The following FAAH2 variants were observed in gnomAD, a reference collection of about 807,000 sequenced individuals.
FAAH2 encodes the protein fatty acid amide hydrolase 2, also known as fatty-acid amide hydrolase 2.
A neutral mutation model predicts 36.9 loss-of-function variants in FAAH2; 60 were observed. That is an observed-to-expected ratio of 1.63 (90% CI 1.32 to 2.02). The LOEUF is 2.02. Ranked by LOEUF, FAAH2 falls within the 30% of genes most tolerant of loss-of-function variation. FAAH2 has a pLI of 0.00. For synonymous variants in FAAH2, 214 were observed against 143.8 expected, an observed-to-expected ratio of 1.49 and a Z score of -3.49; for missense variants, 689 against 397.5, an observed-to-expected ratio of 1.73 and a Z score of -6.23.
intron 4 of FAAH2, among the ~76,000 whole-genome samples, chrX:57,340,981 C>A (rs768119439): frequency 9.0e-6 from 1 of 111,462 alleles, no homozygotes; most frequent in Non-Finnish European, 1.9e-5. Context: ...AATAAGAACT[C>A]TTTTCTATAT....
the FAAH2 span, among the ~76,000 whole-genome samples, chrX:57,254,338 C>A: frequency 9.0e-6 from 1 of 111,537 alleles, no homozygotes; most frequent in African/African-American, 3.3e-5. Flanking sequence ...GACTTTAACA[C>A]CCCACTGTCA....
chrX:57,304,742 C>T (rs996759607), intron 2 of FAAH2, among the ~76,000 whole-genome samples: 4 of 111,840 alleles, frequency 3.6e-5, no homozygotes, highest in Non-Finnish European at 7.5e-5. Flanking sequence ...ATGTCTGCAA[C>T]TCTTGACAAT....
At chrX:57,332,439 A>G (rs1413113045) in intron 4 of FAAH2, among the ~76,000 whole-genome samples, 1 of 112,204 alleles carries the variant, frequency 8.9e-6, no homozygotes, top group Non-Finnish European at 1.9e-5. Flanking sequence ...AGTTAATGAC[A>G]ATTCTTAAAT....
At chrX:57,232,192 G>C in the FAAH2 span, among the ~76,000 whole-genome samples, 4 of 112,048 alleles carry the variant, frequency 3.6e-5, no homozygotes, top group African/African-American at 1.3e-4. Context: ...TCACAGAATT[G>C]AAAGGGCATG....
At chrX:57,377,609 G>T (rs188684469) in intron 5 of FAAH2, among the ~76,000 whole-genome samples, 10 of 111,832 alleles carry the variant, frequency 8.9e-5, no homozygotes, top group Non-Finnish European at 1.9e-4. Flanking sequence ...TTTTTGCTTT[G>T]GATTGTCTTG....
At chrX:57,477,005 C>T (rs1175563425) in intron 10 of FAAH2, among the ~76,000 whole-genome samples, 2 of 111,051 alleles carry the variant, frequency 1.8e-5, no homozygotes, top group African/African-American at 6.5e-5. Flanking sequence ...TTACAGTATT[C>T]TCTGATGGTA....
chrX:57,261,552 CAAAAAAAAAA>C, the FAAH2 span, among the ~76,000 whole-genome samples: 2 of 23,386 alleles, frequency 8.6e-5, no homozygotes, highest in Non-Finnish European at 1.4e-4. Flanking sequence ...GACTCTGTCT[CAAAAAAAAAA>C]AAAAAAAAAA....
intron 5 of FAAH2, among the ~76,000 whole-genome samples, chrX:57,350,007 G>T (rs1047754662): frequency 7.2e-5 from 8 of 110,393 alleles, no homozygotes; most frequent in African/African-American, 2.6e-4. Flanking sequence ...AACAGCAAGA[G>T]AAAGTCATCT....
At chrX:57,280,517 A>G in the FAAH2 span, among the ~76,000 whole-genome samples, 4 of 92,521 alleles carry the variant, frequency 4.3e-5, no homozygotes, top group Non-Finnish European at 6.0e-5. Flanking sequence ...CTTTACACCT[A>G]TTAGAATGGC....
intron 8 of FAAH2, among the ~76,000 whole-genome samples, chrX:57,442,626 T>C (rs1388979070): frequency 5.4e-5 from 6 of 112,121 alleles, no homozygotes; most frequent in Non-Finnish European, 1.1e-4. Flanking sequence ...GTTAGTATTG[T>C]TATGTGTCAA....
intron 10 of FAAH2, among the ~76,000 whole-genome samples, chrX:57,464,597 A>G (rs2057018101): frequency 9.1e-6 from 1 of 109,506 alleles, no homozygotes; most frequent in Admixed American, 9.9e-5. Context: ...TAAATTACCA[A>G]TAGAATCAAC....
chrX:57,166,049 G>C, the FAAH2 span, among the ~76,000 whole-genome samples: 108 of 110,900 alleles, frequency 9.7e-4, 1 homozygote, highest in African/African-American at 3.4e-3. Context: ...CAGAGTAATG[G>C]AAGAGCACAC....
intron 1 of FAAH2, among the ~76,000 whole-genome samples, chrX:57,288,874 A>G (rs924048809): frequency 9.0e-6 from 1 of 111,187 alleles, no homozygotes; most frequent in African/African-American, 3.3e-5. Context: ...ATGCTTGCCC[A>G]TGAGATGAGA....
At chrX:57,388,363 G>T (rs986899275) in intron 7 of FAAH2, among the ~76,000 whole-genome samples, 4 of 110,947 alleles carry the variant, frequency 3.6e-5, no homozygotes, top group Admixed American at 2.9e-4. Flanking sequence ...CTTTGTGGGG[G>T]ATATTTTATA....
In FAAH2 at chrX:57,398,546, C is replaced by CT. The variant is rs1344863379; in HGVS notation, c.996+17530dup. ...TTTCTTGAAGATGTTGTTCATTTAACTTTTTTTTTTTTTGCAGTTGCAAGA... is the reference window on the plus strand; with the variant it reads ...TTTCTTGAAGATGTTGTTCATTTAACTTTTTTTTTTTTTTGCAGTTGCAAGA... On this transcript the variant is annotated intron_variant, in intron 7 of 10. Transcript: ENST00000374900. Among the ~76,000 whole-genome samples the CT allele has an allele frequency of 7.5e-3, 776 of 103,838 alleles. 5 individuals carry two copies. The highest frequency in any genetic ancestry group is 0.025 in the Middle Eastern group (5 of 204). 90.2% of individuals were successfully genotyped at this position (103,838 alleles called of 115,157 possible).
chrX:57,466,528 T>C (rs759273363), intron 10 of FAAH2, among the ~76,000 whole-genome samples: 13 of 108,430 alleles, frequency 1.2e-4, no homozygotes, highest in African/African-American at 4.0e-4. Flanking sequence ...GGTATATAAA[T>C]ACAACAATTT....
chrX:57,418,963 C>G (rs1249026471), intron 7 of FAAH2, among the ~76,000 whole-genome samples: 1 of 100,409 alleles, frequency 1.0e-5, no homozygotes, highest in Admixed American at 1.1e-4. Flanking sequence ...TGAGAACATG[C>G]GGTGTTTGGT....
At chrX:57,410,573 T>C (rs1021738324) in intron 7 of FAAH2, among the ~76,000 whole-genome samples, 5 of 112,035 alleles carry the variant, frequency 4.5e-5, no homozygotes, top group Non-Finnish European at 9.4e-5. Flanking sequence ...AAGCAAATTG[T>C]AATATCATCT....
rs2053683157 is a variant in FAAH2 at position 57,341,395 on chromosome X, T to C, written c.742+5T>C. 1.7e-6 allele frequency: 2 copies of C among 1,204,150 alleles called. No individual in the cohort carries two copies. The highest frequency in any genetic ancestry group is 2.2e-6 in the Non-Finnish European group (2 of 892,956). ...TTGGACACAAGCCTTCTCCAGGTAA[T>C]GTTAATATGATCAGAAGGGTGGTTC... On this transcript the variant is annotated splice_donor_5th_base_variant and intron_variant, in intron 5 of 10. Coordinates refer to ENST00000374900, the MANE Select transcript of FAAH2 (RefSeq NM_174912.4).
Sources: gnomAD v4.1 joint callset for allele counts (sites outside exome capture counted in the v4.1 genomes callset) on GRCh38, gnomAD v4.1.1 for gene constraint, MANE v1.5 for transcripts, NCBI Gene and HGNC (gene_info 2026-07-23, HGNC 2026-07-21) for gene names.